Variants in COL23A1 observed in about 807,000 individuals in gnomAD.
COL23A1 encodes the protein collagen type XXIII alpha 1 chain.
A neutral mutation model predicts 99.3 loss-of-function variants in COL23A1; 97 were observed. The ratio of observed to expected loss-of-function variants is 0.98; its 90% CI spans 0.83 to 1.16. The LOEUF (loss-of-function observed/expected upper bound fraction) is 1.16, where lower values mean the gene tolerates loss of function less well. Among genes scored for constraint, COL23A1 ranks in the 50% most tolerant of loss-of-function variants. The pLI, the probability that COL23A1 is intolerant of heterozygous loss-of-function variation, is 0.00. For synonymous variants in COL23A1, 320 were observed against 308.2 expected (o/e 1.04, Z -0.40); for missense variants, 762 against 757.4 (o/e 1.01, Z -0.07).
intron 2 of COL23A1, among the ~76,000 whole-genome samples, chr5:178,357,857 GTGTA>G (rs201152592): frequency 0.011 from 1,665 of 150,068 alleles, 27 homozygotes; most frequent in Non-Finnish European, 0.017. Context: ...TAATGTGTAT[GTGTA>G]TGTATATGTG....
At chr5:178,558,031 C>A (rs116815869) in intron 2 of COL23A1, among the ~76,000 whole-genome samples, 1 of 151,308 alleles carries the variant, frequency 6.6e-6, no homozygotes, top group Non-Finnish European at 1.5e-5. Flanking sequence ...AGCATCAGCA[C>A]GGTGCTGATG....
intron 1 of COL23A1, among the ~76,000 whole-genome samples, chr5:178,574,368 A>G (rs1012743545): frequency 7.2e-6 from 1 of 139,720 alleles, no homozygotes; most frequent in African/African-American, 2.7e-5. Context: ...AAAATCTGTG[A>G]TTTTATTGTG....
At chr5:178,239,531 T>C (rs3860774) in intron 27 of COL23A1, among the ~76,000 whole-genome samples, 20,351 of 123,064 alleles carry the variant, frequency 0.17, 1,496 homozygotes, top group East Asian at 0.41. Flanking sequence ...TGGCTTCCTG[T>C]CTGATGTGAC....
intron 2 of COL23A1, among the ~76,000 whole-genome samples, chr5:178,505,439 C>T (rs941919745): frequency 2.6e-5 from 4 of 152,000 alleles, no homozygotes; most frequent in South Asian, 2.1e-4. Context: ...TTTTGGTAGA[C>T]GGGGTTTCAT....
chr5:178,434,179 T>G lies in COL23A1; in HGVS notation c.361+126503A>C, dbSNP rs991302170. 2.6e-5 allele frequency among the ~76,000 whole-genome samples: 4 copies of G among 152,182 alleles called. No homozygotes were observed. In the East Asian group the frequency reaches 5.8e-4, roughly 22 times the overall value. Reference sequence around the variant, plus strand: ...ACTGTCATCTTCTCCACTTTCCAGATAGGGAAATCAAGGCTTAGAGAAGTG... The same window carrying G: ...ACTGTCATCTTCTCCACTTTCCAGAGAGGGAAATCAAGGCTTAGAGAAGTG... On this transcript the variant is annotated intron_variant, in intron 2 of 28. Transcript: ENST00000390654. The surrounding 1 kb of genome is among the most constrained non-coding windows in gnomAD (Gnocchi z 4.3).
intron 3 of COL23A1, among the ~76,000 whole-genome samples, chr5:178,292,197 G>T (rs983761099): frequency 1.3e-5 from 2 of 150,986 alleles, no homozygotes; most frequent in Non-Finnish European, 3.0e-5. Context: ...TCCTCGATCT[G>T]TTCCTGCACC....
At chr5:178,275,809 C>T (rs562467544) in intron 5 of COL23A1, among the ~76,000 whole-genome samples, 1 of 152,206 alleles carries the variant, frequency 6.6e-6, no homozygotes, top group African/African-American at 2.4e-5. Flanking sequence ...GTCTCCACAT[C>T]CTGCTGATTT....
chr5:178,552,092 C>T (rs1762029667), intron 2 of COL23A1, among the ~76,000 whole-genome samples: 1 of 152,174 alleles, frequency 6.6e-6, no homozygotes, highest in African/African-American at 2.4e-5. Flanking sequence ...GACCCTCCTC[C>T]AACCCAGATC....
rs262018 is a variant in COL23A1, at chr5:178,559,268, G to A, written c.361+1414C>T. Among the ~76,000 whole-genome samples the A allele has an allele frequency of 6.2e-3, 948 of 152,300 alleles. 10 individuals carry two copies. Among genetic ancestry groups the A allele is most frequent in the African/African-American group, 0.02 (831 of 41,552 alleles). The stretch of plus-strand genomic sequence containing the variant: ...TGAGATATACCTTTGCAGAAATCTC[G>A]GGGCATCTCCCAACCCTGGGATGTT... On this transcript the variant is annotated intron_variant, in intron 2 of 28. Coordinates refer to ENST00000390654, the MANE Select transcript of COL23A1 (RefSeq NM_173465.4).
Position 178,255,913 on chromosome 5 carries a change from G to C in COL23A1, c.882+440C>G. 1 of 301,770 alleles carries C rather than the reference G, an allele frequency of 3.3e-6. No individual in the cohort carries two copies. Among genetic ancestry groups the C allele is most frequent in the Non-Finnish European group, 7.0e-6 (1 of 142,216 alleles). 18.7% of individuals were successfully genotyped at this position (301,770 alleles called of 1,614,324 possible). On this transcript the variant is annotated intron_variant, in intron 15 of 28. Coordinates refer to ENST00000390654, the MANE Select transcript of COL23A1 (RefSeq NM_173465.4). This position sits in a 1 kb window ranked among gnomAD's most constrained non-coding sequence, Gnocchi z 4.2. ...CCCTAAAGGTAAGGTATGTTGATAGGGGCTGGTCACAAAAGATCTGGGGCA... is the reference window on the plus strand; with the variant it reads ...CCCTAAAGGTAAGGTATGTTGATAGCGGCTGGTCACAAAAGATCTGGGGCA...
At chr5:178,388,513 C>G (rs568931824) in intron 2 of COL23A1, among the ~76,000 whole-genome samples, 2 of 152,168 alleles carry the variant, frequency 1.3e-5, no homozygotes, top group Non-Finnish European at 2.9e-5. Flanking sequence ...GGAAGCAGCC[C>G]AGGGGATCCC....
chr5:178,466,848 CG>C (rs1484360577), intron 2 of COL23A1, among the ~76,000 whole-genome samples: 2 of 152,206 alleles, frequency 1.3e-5, no homozygotes, highest in Admixed American at 6.5e-5. Context: ...GCTGGGCACA[CG>C]GAAGTCCGAG....
chr5:178,342,261 T>A (rs972109061), intron 2 of COL23A1, among the ~76,000 whole-genome samples: 10 of 152,188 alleles, frequency 6.6e-5, no homozygotes, highest in African/African-American at 2.2e-4. Flanking sequence ...GGGACTGCCA[T>A]CTGGCCGGGT....
chr5:178,481,018 C>T (rs1026840798), intron 2 of COL23A1, among the ~76,000 whole-genome samples: 3 of 150,360 alleles, frequency 2.0e-5, no homozygotes, highest in African/African-American at 7.3e-5. Flanking sequence ...CATGGTAGCA[C>T]ACACCTGTAA....
At position 178,581,413 on chromosome 5, in the gene COL23A1, A is replaced by G. The variant is rs1186872019; in HGVS notation, c.294+8491T>C. Among the ~76,000 whole-genome samples, 4 of 151,984 alleles carry G rather than the reference A, an allele frequency of 2.6e-5. No homozygotes were observed. The East Asian group carries it at 7.8e-4, about 30-fold the overall frequency. On this transcript the variant is annotated intron_variant, in intron 1 of 28. Coordinates refer to ENST00000390654, the MANE Select transcript of COL23A1 (RefSeq NM_173465.4). The stretch of plus-strand genomic sequence containing the variant: ...AAACTCCAACTCTACTAAAAATACA[A>G]AAATTAGCCAGGCATGGTGGCACAC...
chr5:178,384,263 G>A lies in COL23A1; in HGVS notation c.362-77344C>T, dbSNP rs748533461. 2.0e-5 allele frequency among the ~76,000 whole-genome samples: 3 copies of A among 152,206 alleles called. No individual in the cohort carries two copies. Among genetic ancestry groups the A allele is most frequent in the Non-Finnish European group, 4.4e-5 (3 of 68,034 alleles). Reference sequence around the variant, plus strand: ...CGATCGCAAATGCACGCAGCTCCCCGCCCAGGGCAGTTCTCAAAACCTGGA... The same window carrying A: ...CGATCGCAAATGCACGCAGCTCCCCACCCAGGGCAGTTCTCAAAACCTGGA... On this transcript the variant is annotated intron_variant, in intron 2 of 28. Coordinates refer to ENST00000390654, the MANE Select transcript of COL23A1 (RefSeq NM_173465.4). This position sits in a 1 kb window ranked among gnomAD's most constrained non-coding sequence, Gnocchi z 5.5.
chr5:178,369,195 G>C (rs1003023521), intron 2 of COL23A1, among the ~76,000 whole-genome samples: 3 of 152,176 alleles, frequency 2.0e-5, no homozygotes, highest in Admixed American at 2.0e-4. Flanking sequence ...TGGTAGGTGT[G>C]TATCTTGTCC....
At chr5:178,562,113 G>A (rs1167596560) in intron 1 of COL23A1, 2 of 525,362 alleles carry the variant, frequency 3.8e-6, no homozygotes, top group Non-Finnish European at 7.4e-6. Flanking sequence ...GTGGTGGCAG[G>A]CGCCTATAAT....
intron 2 of COL23A1, among the ~76,000 whole-genome samples, chr5:178,511,468 T>C (rs1212504860): frequency 6.6e-6 from 1 of 152,240 alleles, no homozygotes; most frequent in Admixed American, 6.5e-5. Flanking sequence ...AAGATAAGAC[T>C]CTGCAGAATG....
Sources: gnomAD v4.1 joint callset for allele counts (sites outside exome capture counted in the v4.1 genomes callset) on GRCh38, gnomAD v4.1.1 for gene constraint, Gnocchi (gnomAD v3.1) non-coding constraint, MANE v1.5 for transcripts, NCBI Gene and HGNC (gene_info 2026-07-23, HGNC 2026-07-21) for gene names.